WWOX: variants seen among roughly 807,000 people sequenced by gnomAD.
The protein encoded by WWOX is WW domain containing oxidoreductase.
WWOX carries 69 observed loss-of-function variants against 46.2 expected under a neutral mutation model. The observed-to-expected ratio is 1.49, with a 90% confidence interval of 1.23 to 1.82. The LOEUF (loss-of-function observed/expected upper bound fraction) is 1.82, where lower values mean the gene tolerates loss of function less well. Ranked by LOEUF, WWOX falls within the 40% of genes most tolerant of loss-of-function variation. WWOX has a pLI of 0.00. For synonymous variants in WWOX, 359 were observed against 202.6 expected (o/e 1.77, Z -6.56); for missense variants, 919 against 542.6 (o/e 1.69, Z -6.89).
intron 8 of WWOX, among the ~76,000 whole-genome samples, chr16:78,579,779 A>G (rs920194654): frequency 2.6e-5 from 4 of 152,002 alleles, no homozygotes; most frequent in African/African-American, 9.7e-5. Context: ...AGAAATGAGG[A>G]GATAATATCT....
intron 8 of WWOX, among the ~76,000 whole-genome samples, chr16:79,005,444 G>T (rs1381859411): frequency 2.6e-5 from 4 of 152,186 alleles, no homozygotes; most frequent in Non-Finnish European, 5.9e-5. Flanking sequence ...CAGCAGAACT[G>T]TATTTTCCCA....
chr16:78,752,867 G>C (rs1457209253), intron 8 of WWOX, among the ~76,000 whole-genome samples: 1 of 152,194 alleles, frequency 6.6e-6, no homozygotes, highest in Non-Finnish European at 1.5e-5. Context: ...CAGGCTTCCT[G>C]ATCTAAATCT....
chr16:78,978,496 T>C (rs1478651176), intron 8 of WWOX, among the ~76,000 whole-genome samples: 1 of 152,194 alleles, frequency 6.6e-6, no homozygotes, highest in Non-Finnish European at 1.5e-5. Context: ...TCACCAACTC[T>C]GTCAGTCTAT....
chr16:78,457,653 C>G (rs903933466), intron 8 of WWOX, among the ~76,000 whole-genome samples: 1 of 152,050 alleles, frequency 6.6e-6, no homozygotes, highest in Non-Finnish European at 1.5e-5. Flanking sequence ...GTGGCTCATG[C>G]CTGTAATCCC....
At chr16:78,524,819 G>GA (rs1478653506) in intron 8 of WWOX, among the ~76,000 whole-genome samples, 1 of 68,242 alleles carries the variant, frequency 1.5e-5, no homozygotes, top group Non-Finnish European at 3.2e-5. Flanking sequence ...ATTTTTTATG[G>GA]GTTTTTTTTT....
chr16:78,841,330 G>T (rs1018486080), intron 8 of WWOX, among the ~76,000 whole-genome samples: 10 of 152,160 alleles, frequency 6.6e-5, no homozygotes, highest in African/African-American at 2.2e-4. Context: ...GTAGCTGTTT[G>T]TATTCATGGT....
chr16:78,938,837 G>C (rs1308987458), intron 8 of WWOX, among the ~76,000 whole-genome samples: 1 of 152,162 alleles, frequency 6.6e-6, no homozygotes, highest in Non-Finnish European at 1.5e-5. Context: ...TTTCAGGAAA[G>C]TCAGAAAAGT....
intron 8 of WWOX, among the ~76,000 whole-genome samples, chr16:78,631,831 A>T (rs1016995237): frequency 6.6e-6 from 1 of 152,168 alleles, no homozygotes; most frequent in Non-Finnish European, 1.5e-5. Flanking sequence ...CAGCCAAAAT[A>T]TTCTTTTCAA....
intron 5 of WWOX, among the ~76,000 whole-genome samples, chr16:78,322,403 A>G (rs1302162730): frequency 6.6e-6 from 1 of 152,148 alleles, no homozygotes; most frequent in Non-Finnish European, 1.5e-5. Flanking sequence ...AATGACTAGC[A>G]CTCACTGAGT....
intron 8 of WWOX, among the ~76,000 whole-genome samples, chr16:79,023,640 C>G (rs1206330911): frequency 6.6e-6 from 1 of 152,150 alleles, no homozygotes; most frequent in African/African-American, 2.4e-5. Context: ...AAACATTACG[C>G]TGGACGTGGT....
At chr16:78,375,207 G>A (rs977104221) in intron 5 of WWOX, among the ~76,000 whole-genome samples, 2 of 152,184 alleles carry the variant, frequency 1.3e-5, no homozygotes, top group African/African-American at 2.4e-5. Context: ...TTTCTCAAGC[G>A]TGACGATACT....
chr16:78,672,163 C>G (rs942775094), intron 8 of WWOX, among the ~76,000 whole-genome samples: 3 of 152,122 alleles, frequency 2.0e-5, no homozygotes, highest in Non-Finnish European at 4.4e-5. Flanking sequence ...ATTTAAATGT[C>G]AGATTTAATT....
intron 8 of WWOX, among the ~76,000 whole-genome samples, chr16:78,853,263 C>G (rs755404203): frequency 3.3e-5 from 5 of 152,022 alleles, no homozygotes; most frequent in Non-Finnish European, 5.9e-5. Context: ...ATCTGTCATC[C>G]AGGCTGGAGT....
intron 5 of WWOX, among the ~76,000 whole-genome samples, chr16:78,303,760 C>T (rs1192119859): frequency 6.6e-6 from 1 of 152,018 alleles, no homozygotes; most frequent in Non-Finnish European, 1.5e-5. Flanking sequence ...GTCAGGCTGG[C>T]CTCAAACTCC....
rs181010109 is a variant in WWOX at position 78,557,402 on chromosome 16, C to G, written c.1056+124650C>G. ...TCTCTTAGCCCTCAATTGTCACATT[C>G]ATTCAGCAGATGTTAGCACGTGCAG... On this transcript the variant is annotated intron_variant, in intron 8 of 8. Transcript: ENST00000566780. Among the ~76,000 whole-genome samples, 417 of 152,292 alleles carry G rather than the reference C, an allele frequency of 2.7e-3. 3 individuals carry two copies. The highest frequency in any genetic ancestry group is 3.0e-3 in the Non-Finnish European group (202 of 68,022).
chr16:78,261,784 C>CTATATAGAGATATATATATA (rs1555510653), intron 5 of WWOX, among the ~76,000 whole-genome samples: 1 of 50,898 alleles, frequency 2.0e-5, no homozygotes, highest in African/African-American at 1.2e-4. Flanking sequence ...ATCTATCTAT[C>CTATATAGAGATATATATATA]TATCTATATA....
At chr16:78,106,787 C>T (rs2032175983) in intron 1 of WWOX, among the ~76,000 whole-genome samples, 1 of 152,162 alleles carries the variant, frequency 6.6e-6, no homozygotes, top group Non-Finnish European at 1.5e-5. Flanking sequence ...GTCCTTGCTA[C>T]TGATACCGTA....
intron 8 of WWOX, among the ~76,000 whole-genome samples, chr16:78,505,074 T>A (rs1454055900): frequency 2.0e-5 from 3 of 152,112 alleles, no homozygotes; most frequent in Non-Finnish European, 4.4e-5. Flanking sequence ...TGTTCCTGAA[T>A]TTTTCTGAGC....
Position 79,211,885 on chromosome 16 carries a change from T to A in WWOX, c.*89T>A, listed in dbSNP as rs1213147099. The A allele has an allele frequency of 6.3e-7, 1 of 1,580,946 alleles. No individual in the cohort carries two copies. The highest frequency in any genetic ancestry group is 8.6e-7 in the Non-Finnish European group (1 of 1,166,032). On this transcript the variant is annotated 3_prime_UTR_variant, in exon 9 of 9. Coordinates refer to ENST00000566780, the MANE Select transcript of WWOX (RefSeq NM_016373.4). Reference sequence around the variant, plus strand: ...GGGCTGGGCCCCTTCCAAATGTCCCTCCAACACAGATCCGCAAGAGTAAAG... The same window carrying A: ...GGGCTGGGCCCCTTCCAAATGTCCCACCAACACAGATCCGCAAGAGTAAAG...
Sources: gnomAD v4.1 joint callset for allele counts (sites outside exome capture counted in the v4.1 genomes callset) on GRCh38, gnomAD v4.1.1 for gene constraint, MANE v1.5 for transcripts, NCBI Gene and HGNC (gene_info 2026-07-23, HGNC 2026-07-21) for gene names.